FOXF1: variants seen among roughly 807,000 people sequenced by gnomAD.
FOXF1 encodes the protein forkhead box F1.
Under a neutral mutation model 26.6 loss-of-function variants are expected in FOXF1, and 9 were observed. That is an observed-to-expected ratio of 0.34 (90% CI 0.20 to 0.59). The LOEUF (loss-of-function observed/expected upper bound fraction) is 0.59. Ranked by LOEUF, FOXF1 falls within the 20% of genes least tolerant of loss-of-function variation. The pLI is 0.83. For synonymous variants in FOXF1, 330 were observed against 257.7 expected, an observed-to-expected ratio of 1.28 and a Z score of -2.69; for missense variants, 499 against 549.9, an observed-to-expected ratio of 0.91 and a Z score of 0.93.
intron 1 of FOXF1, among the ~76,000 whole-genome samples, chr16:86,512,689 A>AGCAGGCAGGCAGGCAGGCAGGCAG (rs112947944): frequency 3.4e-4 from 51 of 151,880 alleles, no homozygotes; most frequent in African/African-American, 1.2e-3. Context: ...ACAGGCACGC[A>AGCAGGCAGGCAGGCAGGCAGGCAG]GCAGGCAGGC....
Position 86,511,032 on chromosome 16 carries a change from T to G in FOXF1, c.463T>G (p.Tyr155Asp), listed in dbSNP as rs1460757571. The part of the protein sequence containing the change: ...RRKCQALKPM[Y>D]SMMNGLGFNH... ...GAAATGCCAGGCGCTCAAGCCCATG[T>G]ACAGCATGATGAACGGGCTCGGCTT... Residue 155 changes from tyrosine (Y) to aspartate (D), a missense_variant, in exon 1 of 2, where the codon TAC becomes GAC. By Grantham distance (160) the Tyr-to-Asp change is radical. This residue lies in a region of FOXF1 where 367 missense variants were observed against 324.8 expected (regional missense o/e 1.13). Coordinates refer to ENST00000262426, the MANE Select transcript of FOXF1 (RefSeq NM_001451.3). 8 of 1,611,740 alleles carry G rather than the reference T, an allele frequency of 5.0e-6. No homozygotes were observed. The highest frequency in any genetic ancestry group is 2.7e-5 in the African/African-American group (2 of 74,786).
rs1379705442 is a variant in FOXF1 at position 86,514,024 on chromosome 16, T to C, written c.*939T>C. On this transcript the variant is annotated 3_prime_UTR_variant, in exon 2 of 2. Coordinates refer to ENST00000262426, the MANE Select transcript of FOXF1 (RefSeq NM_001451.3). ...AAGGTTAAGGCACTTTTAAAAACTA[T>C]AGCAAGGCTCCTGTTTATTTATTCT... The C allele has an allele frequency of 2.6e-5, 4 of 152,242 alleles. No individual in the cohort carries two copies. The highest frequency in any genetic ancestry group is 9.6e-5 in the African/African-American group (4 of 41,462). 9.4% of individuals were successfully genotyped at this position (152,242 alleles called of 1,614,324 possible).
In FOXF1 at chr16:86,511,435, C is replaced by G. The variant is rs1229042995; in HGVS notation, c.866C>G (p.Pro289Arg). 5 of 1,594,866 alleles carry G rather than the reference C, an allele frequency of 3.1e-6. No homozygotes were observed. In the African/African-American group the frequency reaches 5.3e-5, roughly 17 times the overall value. ...NSGASYIKQQPLSPCNPAANP... is the reference protein window; with the variant it reads ...NSGASYIKQQRLSPCNPAANP... ...GGCGCCTCTTATATCAAGCAGCAGC[C>G]CCTGTCCCCCTGTAACCCCGCGGCC... The change falls in exon 1 of 2, where the codon CCC becomes CGC. Residue 289 changes from proline to arginine, a missense_variant. Pro to Arg is a moderately radical substitution (Grantham distance 103, BLOSUM62 -2). Coordinates refer to ENST00000262426, the MANE Select transcript of FOXF1 (RefSeq NM_001451.3).
Position 86,511,203 on chromosome 16 carries a change from T to A in FOXF1, c.634T>A (p.Ser212Thr). 1.3e-6 allele frequency: 2 copies of A among 1,553,146 alleles called. No individual in the cohort carries two copies. The highest frequency in any genetic ancestry group is 1.7e-6 in the Non-Finnish European group (2 of 1,156,498). The change falls in exon 1 of 2, where the codon TCG becomes ACG. Residue 212 changes from serine (S) to threonine (T), a missense_variant. By Grantham distance (58) the Ser-to-Thr change is moderately conservative. Around this residue, in one of 5 missense-constraint regions of FOXF1, gnomAD observed 367 missense variants for 324.8 expected, o/e 1.13. Coordinates refer to ENST00000262426, the MANE Select transcript of FOXF1 (RefSeq NM_001451.3). Reference sequence around the variant, plus strand: ...GGACGGCATGGCCCTGCCCAGCCACTCGGTGCCCCACCTGCCTTCCAACGG... The same window carrying A: ...GGACGGCATGGCCCTGCCCAGCCACACGGTGCCCCACCTGCCTTCCAACGG... ...NVDGMALPSH[S>T]VPHLPSNGGH...
At chr16:86,512,138 G>A (rs1456290851) in intron 1 of FOXF1, among the ~76,000 whole-genome samples, 1 of 152,246 alleles carries the variant, frequency 6.6e-6, no homozygotes, top group Non-Finnish European at 1.5e-5. Flanking sequence ...GCCAGGCCCC[G>A]GAGGGTCAGA....
Position 86,512,937 on chromosome 16 carries a change from A to G in FOXF1, c.992A>G (p.Tyr331Cys). 6.2e-7 allele frequency: 1 copy of G among 1,614,122 alleles called. No individual in the cohort carries two copies. The change falls in exon 2 of 2, where the codon TAT becomes TGT. Residue 331 changes from tyrosine to cysteine, a missense_variant. Physicochemically the swap from Tyr to Cys is radical, Grantham distance 194. Coordinates refer to ENST00000262426, the MANE Select transcript of FOXF1 (RefSeq NM_001451.3). Reference sequence around the variant, plus strand: ...CCTCGCCTTGCAGGCATCCCGCGGTATCACTCGCAGTCGCCCAGCATGTGT... The same window carrying G: ...CCTCGCCTTGCAGGCATCCCGCGGTGTCACTCGCAGTCGCCCAGCATGTGT... ...APAELQGIPR[Y>C]HSQSPSMCDR...
In FOXF1 at chr16:86,513,199, A is replaced by G. The variant is rs1969595873; in HGVS notation, c.*114A>G. 8.6e-7 allele frequency: 1 copy of G among 1,164,958 alleles called. No homozygotes were observed. Among genetic ancestry groups the G allele is most frequent in the African/African-American group, 1.5e-5 (1 of 65,390 alleles). The allele number at this position is 1,164,958 out of a possible 1,614,324, so 72.2% of individuals were successfully genotyped here. ...ACCGTCGGCAGAAGAAAAGGGTTCC[A>G]CCTCTCCCCAACCGGAGTTTTTGGC... On this transcript the variant is annotated 3_prime_UTR_variant, in exon 2 of 2. Coordinates refer to ENST00000262426, the MANE Select transcript of FOXF1 (RefSeq NM_001451.3).
intron 1 of FOXF1, among the ~76,000 whole-genome samples, chr16:86,512,286 C>T (rs943711629): frequency 5.9e-5 from 9 of 152,220 alleles, no homozygotes; most frequent in African/African-American, 1.9e-4. Flanking sequence ...GCCTCGCCTC[C>T]TGATTCTGCC....
Position 86,511,391 on chromosome 16 carries a change from G to A in FOXF1, c.822G>A (p.Ala274=). 6.3e-7 allele frequency: 1 copy of A among 1,587,284 alleles called. No homozygotes were observed. Among genetic ancestry groups the A allele is most frequent in the Non-Finnish European group, 8.5e-7 (1 of 1,175,092 alleles). ...CGGCGGCGGCCTGGCCGCCCTCGGC[G>A]TCCGCGGCGCTCAACAGCGGCGCCT... ...SGSAAAWPPS[A]SAALNSGASY... The change falls in exon 1 of 2, where the codon GCG becomes GCA. Residue 274 remains alanine (A), a synonymous_variant. Coordinates refer to ENST00000262426, the MANE Select transcript of FOXF1 (RefSeq NM_001451.3).
chr16:86,512,929 C>T lies in FOXF1; in HGVS notation c.984C>T (p.Ile328=), dbSNP rs1189298548. 6.8e-6 allele frequency: 11 copies of T among 1,614,010 alleles called. No individual in the cohort carries two copies. The highest frequency in any genetic ancestry group is 7.6e-6 in the Non-Finnish European group (9 of 1,180,052). The change falls in exon 2 of 2, where the codon ATC becomes ATT. Residue 328 remains isoleucine (I), a synonymous_variant. Coordinates refer to ENST00000262426, the MANE Select transcript of FOXF1 (RefSeq NM_001451.3). ...SHNAPAELQG[I]PRYHSQSPSM... ...TCCTGTCGCCTCGCCTTGCAGGCAT[C>T]CCGCGGTATCACTCGCAGTCGCCCA... is the stretch of plus-strand genomic sequence containing the variant.
In FOXF1 at chr16:86,513,186, A is replaced by T; in HGVS notation, c.*101A>T. ...TTCTCGAGGTATAACCGTCGGCAGAAGAAAAGGGTTCCACCTCTCCCCAAC... is the reference window on the plus strand; with the variant it reads ...TTCTCGAGGTATAACCGTCGGCAGATGAAAAGGGTTCCACCTCTCCCCAAC... On this transcript the variant is annotated 3_prime_UTR_variant, in exon 2 of 2. Transcript: ENST00000262426. 7.6e-7 allele frequency: 1 copy of T among 1,314,714 alleles called. No homozygotes were observed. Among genetic ancestry groups the T allele is most frequent in the Non-Finnish European group, 1.1e-6 (1 of 942,286 alleles). 81.4% of individuals were successfully genotyped at this position (1,314,714 alleles called of 1,614,324 possible). A position where few individuals can be genotyped will look rare whatever the true frequency, so the allele number is the denominator to read the frequency against.
At position 86,511,330 on chromosome 16, in the gene FOXF1, G is replaced by A; in HGVS notation, c.761G>A (p.Gly254Asp). ...PASPLLPTGA[G>D]GVMEPHAVYS... ...TCCCCGCTGCTGCCCACCGGCGCCG[G>A]TGGGGTCATGGAGCCGCACGCCGTC... Residue 254 changes from glycine (G) to aspartate (D), a missense_variant, in exon 1 of 2, where the codon GGT (glycine) becomes GAT (aspartate). By Grantham distance (94) the Gly-to-Asp change is moderately conservative. This residue lies in a region of FOXF1 where 367 missense variants were observed against 324.8 expected (regional missense o/e 1.13). Transcript: ENST00000262426. 8 of 1,527,274 alleles carry A rather than the reference G, an allele frequency of 5.2e-6. No individual in the cohort carries two copies. Among genetic ancestry groups the A allele is most frequent in the Non-Finnish European group, 6.1e-6 (7 of 1,145,414 alleles). 94.6% of individuals were successfully genotyped at this position (1,527,274 alleles called of 1,614,324 possible). A position where few individuals can be genotyped will look rare whatever the true frequency, so the allele number is the denominator to read the frequency against.
intron 1 of FOXF1, 45 bp from the exon 2 acceptor site, chr16:86,512,880 T>G: frequency 6.2e-7 from 1 of 1,611,892 alleles, no homozygotes; most frequent in African/African-American, 1.3e-5. Context: ...CCACCGTGGC[T>G]AACTCTTCTG....
Position 86,510,618 on chromosome 16 carries a change from G to A in FOXF1, c.49G>A (p.Gly17Ser). The A allele has an allele frequency of 3.6e-6, 5 of 1,390,528 alleles. No individual in the cohort carries two copies. Among genetic ancestry groups the A allele is most frequent in the Non-Finnish European group, 4.6e-6 (5 of 1,080,666 alleles). 86.1% of individuals were successfully genotyped at this position (1,390,528 alleles called of 1,614,324 possible). Reference protein sequence around the residue: ...KQQPPHGGGGGGGGGGGAAMD... With the variant: ...KQQPPHGGGGSGGGGGGAAMD... ...GCAGCCACCGCACGGCGGCGGCGGC[G>A]GCGGCGGCGGGGGAGGCGGCGCGGC... The change falls in exon 1 of 2, where the codon GGC (glycine) becomes AGC (serine). Residue 17 changes from glycine to serine, a missense_variant. Transcript: ENST00000262426.
rs1195085407 is a variant in FOXF1, at chr16:86,514,657, C to T, written c.*1572C>T. 1 of 152,170 alleles carries T rather than the reference C, an allele frequency of 6.6e-6. No homozygotes were observed. The highest frequency in any genetic ancestry group is 2.4e-5 in the African/African-American group (1 of 41,452). 9.4% of individuals were successfully genotyped at this position (152,170 alleles called of 1,614,324 possible). The stretch of plus-strand genomic sequence containing the variant: ...TGAAGTAAACGCTGGACAAGAGGAA[C>T]TATTTTTCTTGGCTTCTGTTTTTTA... On this transcript the variant is annotated 3_prime_UTR_variant, in exon 2 of 2. Transcript: ENST00000262426.
At chr16:86,512,204 C>T (rs535328369) in intron 1 of FOXF1, among the ~76,000 whole-genome samples, 1 of 152,284 alleles carries the variant, frequency 6.6e-6, no homozygotes, top group East Asian at 1.9e-4. Context: ...TTTTCAGGTC[C>T]CCACACCCCC....
rs1969560496 is a variant in FOXF1 at position 86,511,337 on chromosome 16, C to G, written c.768C>G (p.Val256=). 3 of 1,535,576 alleles carry G rather than the reference C, an allele frequency of 2.0e-6. No individual in the cohort carries two copies. Among genetic ancestry groups the G allele is most frequent in the Non-Finnish European group, 2.6e-6 (3 of 1,149,172 alleles). Residue 256 remains valine, a synonymous_variant, in exon 1 of 2, where the codon GTC becomes GTG. Coordinates refer to ENST00000262426, the MANE Select transcript of FOXF1 (RefSeq NM_001451.3). The part of the protein sequence containing the change: ...SPLLPTGAGG[V]MEPHAVYSGS... ...TGCTGCCCACCGGCGCCGGTGGGGT[C>G]ATGGAGCCGCACGCCGTCTACTCGG...
chr16:86,511,511 G>A lies in FOXF1; in HGVS notation c.942G>A (p.Leu314=), dbSNP rs1025647347. 2 of 1,585,338 alleles carry A rather than the reference G, an allele frequency of 1.3e-6. No individual in the cohort carries two copies. The highest frequency in any genetic ancestry group is 2.3e-5 in the East Asian group (1 of 44,040). ...CGCACTCCCTGGAGCAGCCGTATCTGCACCAGAACAGCCACAACGCCCCAG... is the reference window on the plus strand; with the variant it reads ...CGCACTCCCTGGAGCAGCCGTATCTACACCAGAACAGCCACAACGCCCCAG... The part of the protein sequence containing the change: ...LSTHSLEQPY[L]HQNSHNAPAE... The change falls in exon 1 of 2, where the codon CTG becomes CTA. Residue 314 remains leucine, a synonymous_variant. Coordinates refer to ENST00000262426, the MANE Select transcript of FOXF1 (RefSeq NM_001451.3).
intron 1 of FOXF1, 103 bp downstream of exon 1, chr16:86,511,651 C>G (rs1969568161): frequency 1.3e-6 from 2 of 1,504,692 alleles, no homozygotes; most frequent in Non-Finnish European, 1.8e-6. Flanking sequence ...GTCGGAACCC[C>G]AAGGCTGAGG....
Sources: allele counts gnomAD v4.1 joint callset (sites outside exome capture counted in the v4.1 genomes callset), GRCh38; gene constraint gnomAD v4.1.1; regional missense constraint gnomAD v4.1.1; transcripts MANE v1.5; gene names NCBI Gene and HGNC (gene_info 2026-07-23, HGNC 2026-07-21).